Variants in MTHFD1L observed in about 807,000 individuals in gnomAD.
The protein encoded by MTHFD1L is methylenetetrahydrofolate dehydrogenase (NADP+ dependent) 1 like, also known as monofunctional C1-tetrahydrofolate synthase, mitochondrial.
In MTHFD1L, 81 loss-of-function variants were observed where a neutral mutation model predicts 119.5. That is an observed-to-expected ratio of 0.68 (90% CI 0.57 to 0.82). MTHFD1L has a LOEUF of 0.82. Ranked by LOEUF, MTHFD1L falls within the 40% of genes least tolerant of loss-of-function variation. MTHFD1L has a pLI of 0.00. For missense variants in MTHFD1L, 1,125 were observed against 1,253.4 expected (o/e 0.90, Z 1.55); for synonymous variants, 430 against 475.2 (o/e 0.90, Z 1.24).
intron 27 of MTHFD1L, chr6:151,099,528 G>C (rs1012820349): frequency 3.1e-5 from 50 of 1,598,414 alleles, no homozygotes; most frequent in Middle Eastern, 1.6e-4. Flanking sequence ...TCGGCATCTT[G>C]GCCGCCCTCA....
intron 19 of MTHFD1L, among the ~76,000 whole-genome samples, chr6:150,969,038 A>T (rs1015587191): frequency 2.7e-5 from 4 of 147,564 alleles, no homozygotes; most frequent in African/African-American, 1.0e-4. Flanking sequence ...TAGTAGAGAC[A>T]GGGTTTTACC....
chr6:150,873,886 T>G (rs1042802284), intron 1 of MTHFD1L, among the ~76,000 whole-genome samples: 6 of 152,116 alleles, frequency 3.9e-5, no homozygotes, highest in Non-Finnish European at 2.9e-5. Context: ...GCCAGGATGG[T>G]CTCAAACTCC....
intron 26 of MTHFD1L, among the ~76,000 whole-genome samples, chr6:151,066,733 C>T (rs1791323764): frequency 6.6e-6 from 1 of 151,214 alleles, no homozygotes; most frequent in South Asian, 2.1e-4. Flanking sequence ...CCATTGCATT[C>T]CAGCCTGGGC....
At chr6:150,931,499 A>G (rs1183081881) in intron 11 of MTHFD1L, among the ~76,000 whole-genome samples, 1 of 152,168 alleles carries the variant, frequency 6.6e-6, no homozygotes, top group Non-Finnish European at 1.5e-5. Flanking sequence ...AGGGCCTTTG[A>G]ACCGTTTACC....
At chr6:150,954,644 A>G (rs1174007628) in intron 16 of MTHFD1L, among the ~76,000 whole-genome samples, 1 of 151,914 alleles carries the variant, frequency 6.6e-6, no homozygotes, top group Non-Finnish European at 1.5e-5. Flanking sequence ...AGCCAAGATC[A>G]CGCCACTGCA....
intron 20 of MTHFD1L, among the ~76,000 whole-genome samples, chr6:150,982,151 GAGAAAGAAAGAAA>G (rs1237847420): frequency 6.6e-6 from 1 of 151,052 alleles, no homozygotes; most frequent in Non-Finnish European, 1.5e-5. Context: ...CTTTTTAAAA[GAGAAAGAAAGAAA>G]AGAAAGAAAG....
intron 7 of MTHFD1L, among the ~76,000 whole-genome samples, chr6:150,899,234 G>T (rs533672154): frequency 6.6e-6 from 1 of 152,328 alleles, no homozygotes; most frequent in Non-Finnish European, 1.5e-5. Context: ...GTAGAAAAAT[G>T]CTGTAATCCT....
At chr6:150,882,680 C>T (rs1781566855) in intron 4 of MTHFD1L, 82 bp from the exon 5 acceptor site, 1 of 1,033,100 alleles carries the variant, frequency 9.7e-7, no homozygotes, top group Non-Finnish European at 1.3e-6. Flanking sequence ...TTTCATGAAT[C>T]CACTTTTTAT....
At chr6:151,004,820 T>C (rs1781161064) in intron 20 of MTHFD1L, among the ~76,000 whole-genome samples, 1 of 152,224 alleles carries the variant, frequency 6.6e-6, no homozygotes, top group Non-Finnish European at 1.5e-5. Flanking sequence ...ATTCATATTG[T>C]AAGTTGAATA....
At chr6:151,006,513 A>G (rs1781420091) in intron 20 of MTHFD1L, among the ~76,000 whole-genome samples, 1 of 152,168 alleles carries the variant, frequency 6.6e-6, no homozygotes. Flanking sequence ...AGCAGGAACC[A>G]CTGAAGACAG....
At chr6:151,017,830 C>CT (rs895364993) in intron 24 of MTHFD1L, among the ~76,000 whole-genome samples, 2,155 of 98,874 alleles carry the variant, frequency 0.022, 55 homozygotes, top group African/African-American at 0.035. Context: ...ACCGTGTTTT[C>CT]TTTTTTTTTT....
chr6:150,988,692 C>T (rs1041592899), intron 20 of MTHFD1L, among the ~76,000 whole-genome samples: 6 of 152,194 alleles, frequency 3.9e-5, no homozygotes, highest in African/African-American at 1.4e-4. Context: ...CCACAACCTC[C>T]TCCTCCCAGG....
Position 150,960,368 on chromosome 6 carries a change from G to T in MTHFD1L, c.1897G>T (p.Val633Leu). The T allele has an allele frequency of 6.2e-7, 1 of 1,613,866 alleles. No individual in the cohort carries two copies. Among genetic ancestry groups the T allele is most frequent in the Admixed American group, 1.7e-5 (1 of 59,978 alleles). The change falls in exon 18 of 28, where the codon GTG (valine) becomes TTG (leucine). Residue 633 changes from valine (V) to leucine (L), a missense_variant. By Grantham distance (32) the Val-to-Leu change is conservative (BLOSUM62 1). This residue lies in a region of MTHFD1L where 1,058 missense variants were observed against 1,151.2 expected (regional missense o/e 0.92). Coordinates refer to ENST00000367321, the MANE Select transcript of MTHFD1L (RefSeq NM_015440.5). ...CATGAAGGCACGGCTGGGAAGGATGGTGGTGGCCAGTGACAAAAGCGGGCA... is the reference window on the plus strand; with the variant it reads ...CATGAAGGCACGGCTGGGAAGGATGTTGGTGGCCAGTGACAAAAGCGGGCA... ...ADMKARLGRM[V>L]VASDKSGQPV...
intron 20 of MTHFD1L, among the ~76,000 whole-genome samples, chr6:150,991,123 C>T (rs1214584233): frequency 2.6e-5 from 4 of 152,180 alleles, no homozygotes. Flanking sequence ...TCCCAAAGTG[C>T]TGGGATTACA....
intron 13 of MTHFD1L, chr6:150,939,439 T>G (rs1792700750): frequency 6.6e-6 from 1 of 152,336 alleles, no homozygotes; most frequent in South Asian, 2.1e-4. Flanking sequence ...ACCTCTTTGT[T>G]GCCTGTAACT....
chr6:151,044,425 C>T (rs1299429612), intron 26 of MTHFD1L, among the ~76,000 whole-genome samples: 1 of 151,862 alleles, frequency 6.6e-6, no homozygotes, highest in East Asian at 1.9e-4. Flanking sequence ...CCTCAGCCTC[C>T]CGAGTAGCTG....
intron 11 of MTHFD1L, among the ~76,000 whole-genome samples, chr6:150,932,908 G>A (rs954103201): frequency 2.0e-5 from 3 of 151,614 alleles, no homozygotes; most frequent in Admixed American, 6.6e-5. Context: ...AAGAGAGAAA[G>A]AAAGAGAAAT....
At position 151,034,569 on chromosome 6, in the gene MTHFD1L, CA is replaced by C. The variant is rs2128532808; in HGVS notation, c.2664del (p.Gln889LysfsTer4). ...GAKDIELSPEAQAKIDRYTQQ... is the reference protein window; with the variant it reads ...GAKDIELSPEXQAKIDRYTQQ... ...AAAGATATTGAACTCTCTCCTGAGG[CA>C]CAAGCCAAAATAGATCGTTACACTC... On this transcript the variant is annotated frameshift_variant, in exon 25 of 28. Transcript: ENST00000367321. LOFTEE classifies it high-confidence loss of function. 1 of 1,611,540 alleles carries C rather than the reference CA, an allele frequency of 6.2e-7. No homozygotes were observed. The highest frequency in any genetic ancestry group is 2.2e-5 in the East Asian group (1 of 44,858).
At chr6:150,959,401 A>G (rs926843683) in intron 17 of MTHFD1L, among the ~76,000 whole-genome samples, 2 of 152,218 alleles carry the variant, frequency 1.3e-5, no homozygotes, top group African/African-American at 4.8e-5. Flanking sequence ...GTCCAGAGAA[A>G]CATTCCTAGT....
Sources: gnomAD v4.1 joint callset for allele counts (sites outside exome capture counted in the v4.1 genomes callset) on GRCh38, gnomAD v4.1.1 for gene constraint, gnomAD v4.1.1 regional missense constraint, MANE v1.5 for transcripts, NCBI Gene and HGNC (gene_info 2026-07-23, HGNC 2026-07-21) for gene names.